The following ABCC8 variants were observed in gnomAD, a reference collection of about 807,000 sequenced individuals.
The protein encoded by ABCC8 is ATP binding cassette subfamily C member 8.
A neutral mutation model predicts 188.0 loss-of-function variants in ABCC8; 137 were observed. That is an observed-to-expected ratio of 0.73 (90% CI 0.63 to 0.84). ABCC8 has a LOEUF of 0.84. Among genes scored for constraint, ABCC8 ranks in the 40% least tolerant of loss-of-function variants. ABCC8 has a pLI of 0.00. For missense variants in ABCC8, 1,750 were observed against 2,072.7 expected, an observed-to-expected ratio of 0.84 and a Z score of 3.02; for synonymous variants, 797 against 846.5, an observed-to-expected ratio of 0.94 and a Z score of 1.01.
Position 17,397,193 on chromosome 11 carries a change from C to T in ABCC8, c.3988G>A (p.Ala1330Thr). The change falls in exon 32 of 39, where the codon GCA becomes ACA. Residue 1330 changes from alanine (A) to threonine (T), a missense_variant and splice_region_variant. By Grantham distance (58) the Ala-to-Thr change is moderately conservative (BLOSUM62 0). Transcript: ENST00000389817. ...TEAESYEGLL[A>T]PSLIPKNWPD... ...CCACCCCTCTCCCTGAGCCTCTCAC[C>T]CAGGAGCCCCTCGTAGCTCTCTGCC... is the stretch of plus-strand genomic sequence containing the variant. 6.2e-7 allele frequency: 1 copy of T among 1,613,694 alleles called. No homozygotes were observed. Among genetic ancestry groups the T allele is most frequent in the East Asian group, 2.2e-5 (1 of 44,876 alleles).
intron 16 of ABCC8, among the ~76,000 whole-genome samples, chr11:17,418,239 T>C (rs1564910708): frequency 6.6e-6 from 1 of 152,150 alleles, no homozygotes; most frequent in Non-Finnish European, 1.5e-5. Context: ...TTAAATGCCA[T>C]GGTACATTAC....
At chr11:17,417,211 G>A (rs910594423) in intron 16 of ABCC8, among the ~76,000 whole-genome samples, 9 of 152,174 alleles carry the variant, frequency 5.9e-5, no homozygotes, top group Non-Finnish European at 1.3e-4. Context: ...TCGGAGCAGC[G>A]GTGAGGCTGG....
intron 10 of ABCC8, 47 bp downstream of exon 10, chr11:17,442,673 G>C: frequency 1.3e-6 from 2 of 1,587,054 alleles, no homozygotes; most frequent in Non-Finnish European, 1.7e-6. Flanking sequence ...CCCTCTCCTT[G>C]CATGTACGCA....
chr11:17,463,692 G>A (rs1847972568), intron 3 of ABCC8, 88 bp from the exon 4 acceptor site: 10 of 1,520,792 alleles, frequency 6.6e-6, no homozygotes, highest in South Asian at 1.2e-5. Context: ...GGCAGAGAAG[G>A]AGACAGAATA....
intron 23 of ABCC8, 57 bp downstream of exon 23, chr11:17,408,335 T>C (rs1954638517): frequency 6.5e-7 from 1 of 1,537,408 alleles, no homozygotes; most frequent in South Asian, 1.1e-5. Context: ...GAGTTCAGGT[T>C]CTAGCAGAAC....
intron 3 of ABCC8, among the ~76,000 whole-genome samples, chr11:17,467,950 G>A (rs1448054709): frequency 6.6e-6 from 1 of 152,256 alleles, no homozygotes; most frequent in Non-Finnish European, 1.5e-5. Flanking sequence ...GCTGGAGAAT[G>A]AGAAAATGAA....
chr11:17,411,312 G>A (rs1020991839), intron 21 of ABCC8, among the ~76,000 whole-genome samples: 1 of 152,160 alleles, frequency 6.6e-6, no homozygotes, highest in African/African-American at 2.4e-5. Flanking sequence ...CTTCATAAAC[G>A]TTTAGTGCCT....
intron 12 of ABCC8, chr11:17,428,902 G>T (rs1260237508): frequency 1.5e-6 from 1 of 687,902 alleles, no homozygotes; most frequent in African/African-American, 1.8e-5. Context: ...TTGGAGGTGA[G>T]ATTGGTTAGT....
intron 4 of ABCC8, 138 bp from the exon 5 acceptor site, chr11:17,461,963 T>G (rs1957210384): frequency 7.0e-7 from 1 of 1,434,500 alleles, no homozygotes; most frequent in Non-Finnish European, 9.3e-7. Flanking sequence ...CTGTAATTAT[T>G]ACCAGGAAAA....
rs749288946 is a variant in ABCC8 at position 17,416,955 on chromosome 11, C to A, written c.2230G>T (p.Asp744Tyr). 1.1e-5 allele frequency: 17 copies of A among 1,613,720 alleles called. No individual in the cohort carries two copies. The highest frequency in any genetic ancestry group is 1.4e-5 in the Non-Finnish European group (17 of 1,179,982). The change falls in exon 17 of 39, where the codon GAC (aspartate) becomes TAC (tyrosine). Residue 744 changes from aspartate to tyrosine, a missense_variant. Transcript: ENST00000389817. ...CTGGGGTCCTCTCCTATCTCGCTGT[C>A]AGGAAGGCTGCTGGGACACAAATGG... The part of the protein sequence containing the change: ...SGAVFWSSLP[D>Y]SEIGEDPSPE...
chr11:17,466,152 G>A (rs1398607336), intron 3 of ABCC8, among the ~76,000 whole-genome samples: 1 of 152,092 alleles, frequency 6.6e-6, no homozygotes, highest in Non-Finnish European at 1.5e-5. Flanking sequence ...TGTAATCCGA[G>A]CACTTTGGGA....
chr11:17,428,604 C>T lies in ABCC8; in HGVS notation c.1884G>A (p.Glu628=), dbSNP rs762609927. The T allele has an allele frequency of 6.2e-7, 1 of 1,614,104 alleles. No individual in the cohort carries two copies. The highest frequency in any genetic ancestry group is 1.3e-5 in the African/African-American group (1 of 75,064). ...EIREEQCAPH[E]PTPQGPASKY... ...TGCTGGCTGGGCCCTGAGGTGTGGG[C>T]TCATGGGGGGCACACTGCTCCTCAC... Residue 628 remains glutamate, a synonymous_variant, in exon 13 of 39, where the codon GAG becomes GAA. Transcript: ENST00000389817.
chr11:17,411,932 C>CG (rs1203420107), intron 21 of ABCC8, among the ~76,000 whole-genome samples: 1 of 139,176 alleles, frequency 7.2e-6, no homozygotes, highest in African/African-American at 2.8e-5. Flanking sequence ...CTCGGTTTGT[C>CG]CCCAGGCTGG....
At chr11:17,397,538 A>C in intron 31 of ABCC8, 146 bp downstream of exon 31, 1 of 1,424,672 alleles carries the variant, frequency 7.0e-7, no homozygotes. Context: ...CCTGCTGGTC[A>C]GCCTTCCTGC....
intron 18 of ABCC8, 87 bp from the exon 19 acceptor site, chr11:17,414,697 A>G: frequency 6.3e-7 from 1 of 1,596,996 alleles, no homozygotes; most frequent in Non-Finnish European, 8.5e-7. Flanking sequence ...GATGGCTCAG[A>G]TGGAGGCAAG....
Position 17,474,945 on chromosome 11 carries a change from C to A in ABCC8, c.231G>T (p.Leu77=). 6.2e-7 allele frequency: 1 copy of A among 1,614,202 alleles called. No individual in the cohort carries two copies. The highest frequency in any genetic ancestry group is 8.5e-7 in the Non-Finnish European group (1 of 1,180,044). The change falls in exon 2 of 39, where the codon CTG becomes CTT. Residue 77 remains leucine (L), a synonymous_variant. Coordinates refer to ENST00000389817, the MANE Select transcript of ABCC8 (RefSeq NM_000352.6). ...HFPGHNLRWI[L]TFMLLFVLVC... ...CCAGGACGAAGAGCAGCATGAAGGT[C>A]AGGATCCACCGCAGGTTGTGCCCAG...
intron 5 of ABCC8, chr11:17,461,133 C>T: frequency 3.0e-6 from 1 of 329,644 alleles, no homozygotes. Context: ...TTCTCAGGGC[C>T]TCAATTTGCT....
intron 16 of ABCC8, among the ~76,000 whole-genome samples, chr11:17,424,265 C>T (rs768810090): frequency 3.3e-4 from 50 of 152,090 alleles, no homozygotes; most frequent in Non-Finnish European, 5.9e-4. Context: ...CACCATGGCA[C>T]ATGTATAGCT....
chr11:17,415,529 C>A, intron 17 of ABCC8, 190 bp from the exon 18 acceptor site: 1 of 842,216 alleles, frequency 1.2e-6, no homozygotes, highest in Non-Finnish European at 1.4e-6. Flanking sequence ...GCCTCTGCTG[C>A]CTGACCACGT....
Sources: gnomAD v4.1 joint callset for allele counts (sites outside exome capture counted in the v4.1 genomes callset) on GRCh38, gnomAD v4.1.1 for gene constraint, MANE v1.5 for transcripts, NCBI Gene and HGNC (gene_info 2026-07-23, HGNC 2026-07-21) for gene names.